The following IRAG1 variants were observed in gnomAD, a reference collection of about 807,000 sequenced individuals.
The protein encoded by IRAG1 is IP3R-associated cGMP kinase substrate.
In IRAG1, 62 loss-of-function variants were observed where a neutral mutation model predicts 106.2. The observed-to-expected ratio is 0.58, with a 90% CI of 0.48 to 0.72. The LOEUF (loss-of-function observed/expected upper bound fraction) is 0.72. Ranked by LOEUF, IRAG1 falls within the 30% of genes least tolerant of loss-of-function variation. The pLI, the probability that IRAG1 is intolerant of heterozygous loss-of-function variation, is 0.00. For synonymous variants in IRAG1, 462 were observed against 443.9 expected, an observed-to-expected ratio of 1.04 and a Z score of -0.51; for missense variants, 1,064 against 1,140.7, an observed-to-expected ratio of 0.93 and a Z score of 0.97.
chr11:10,662,635 C>T (rs1859486263), intron 1 of IRAG1, among the ~76,000 whole-genome samples: 2 of 152,244 alleles, frequency 1.3e-5, no homozygotes, highest in South Asian at 4.1e-4. Flanking sequence ...TTTCCTCAAA[C>T]AGTTGGTTAT....
At chr11:10,658,745 C>CTGTG (rs1859146259) in intron 1 of IRAG1, among the ~76,000 whole-genome samples, 2 of 144,010 alleles carry the variant, frequency 1.4e-5, no homozygotes, top group African/African-American at 2.6e-5. Context: ...AGTCCCAGGT[C>CTGTG]CGTGCTGTGG....
chr11:10,693,504 G>A (rs938353958), intron 1 of IRAG1, 32 bp downstream of exon 1: 1 of 1,535,274 alleles, frequency 6.5e-7, no homozygotes. Flanking sequence ...AGCCGAAGAG[G>A]CAGGTTATTC....
Position 10,686,410 on chromosome 11 carries a change from A to T in IRAG1, c.67+7126T>A, listed in dbSNP as rs183110598. 1.3e-3 allele frequency among the ~76,000 whole-genome samples: 195 copies of T among 152,304 alleles called. 1 individual carries two copies. Among genetic ancestry groups the T allele is most frequent in the African/African-American group, 4.6e-3 (190 of 41,576 alleles). ...ATTTCTTGCCAGTAAAAAGCTTGTG[A>T]TTCTAAATTTGTATTTTTCCTTCTA... On this transcript the variant is annotated intron_variant, in intron 1 of 20. Transcript: ENST00000423302.
At chr11:10,626,877 T>G (rs936395996) in intron 8 of IRAG1, among the ~76,000 whole-genome samples, 2 of 152,212 alleles carry the variant, frequency 1.3e-5, no homozygotes, top group Non-Finnish European at 2.9e-5. Flanking sequence ...TTGCCCCAGA[T>G]CTAGCCTTGG....
chr11:10,688,815 T>G, intron 1 of IRAG1, among the ~76,000 whole-genome samples: 1 of 152,202 alleles, frequency 6.6e-6, no homozygotes, highest in African/African-American at 2.4e-5. Flanking sequence ...TACTTAATAT[T>G]CTTTCATTTG....
intron 1 of IRAG1, among the ~76,000 whole-genome samples, chr11:10,686,786 A>T (rs1861688978): frequency 6.6e-6 from 1 of 152,218 alleles, no homozygotes; most frequent in South Asian, 2.1e-4. Flanking sequence ...GTTTGTTCAC[A>T]AATACCTCCC....
intron 1 of IRAG1, among the ~76,000 whole-genome samples, chr11:10,689,927 T>C (rs569510847): frequency 1.3e-5 from 2 of 152,354 alleles, no homozygotes; most frequent in East Asian, 3.9e-4. Context: ...TTATATCCAC[T>C]TCTATATTTT....
At chr11:10,607,004 C>T (rs1854534226) in intron 11 of IRAG1, among the ~76,000 whole-genome samples, 1 of 152,132 alleles carries the variant, frequency 6.6e-6, no homozygotes, top group Non-Finnish European at 1.5e-5. Flanking sequence ...CTCTCTAAGC[C>T]CCAGCGTGCT....
rs777559765 is a variant in IRAG1 at position 10,626,386 on chromosome 11, C to A, written c.948G>T (p.Met316Ile). 26 of 1,613,764 alleles carry A rather than the reference C, an allele frequency of 1.6e-5. No individual in the cohort carries two copies. The highest frequency in any genetic ancestry group is 2.2e-5 in the Non-Finnish European group (26 of 1,179,874). ...LAPVTNSSGK[M>I]ALNSPQPGPV... is the part of the protein sequence containing the mutation. ...GGCCAGGCTGAGGGCTGTTCAGGGC[C>A]ATTTTCCCACTGCTGTTTGTAACAG... The change falls in exon 9 of 21, where the codon ATG becomes ATT. Residue 316 changes from methionine (M) to isoleucine (I), a missense_variant. Met to Ile is a conservative substitution (Grantham distance 10). Transcript: ENST00000423302.
At chr11:10,616,525 A>T (rs1855444332) in intron 10 of IRAG1, among the ~76,000 whole-genome samples, 1 of 144,766 alleles carries the variant, frequency 6.9e-6, no homozygotes. Flanking sequence ...AAGCAAAAAC[A>T]AAAAACAAAA....
chr11:10,661,644 T>A (rs1163771729), intron 1 of IRAG1, among the ~76,000 whole-genome samples: 1 of 152,146 alleles, frequency 6.6e-6, no homozygotes, highest in Non-Finnish European at 1.5e-5. Flanking sequence ...GTCGCTGGCA[T>A]CTTTTCTCCC....
chr11:10,609,602 T>C (rs2134396160), intron 11 of IRAG1, 126 bp downstream of exon 11: 1 of 1,126,722 alleles, frequency 8.9e-7, no homozygotes, highest in Middle Eastern at 2.4e-4. Context: ...TATCCCTATC[T>C]AGACAATTGG....
rs771851963 is a variant in IRAG1, at chr11:10,576,476, C to G, written c.2595G>C (p.Leu865Phe). Residue 865 changes from leucine (L) to phenylalanine (F), a missense_variant, in exon 21 of 21, where the codon TTG (leucine) becomes TTC (phenylalanine). By Grantham distance (22) the Leu-to-Phe change is conservative. Transcript: ENST00000423302. ...AATTGTAGAGCCCCAGCACAACAGT[C>G]AAGACCAGCATCACTGCAGCCATCA... is the stretch of plus-strand genomic sequence containing the variant. ...IWMMAAVMLVLTVVLGLYNSY... is the reference protein window; with the variant it reads ...IWMMAAVMLVFTVVLGLYNSY... The G allele has an allele frequency of 1.1e-5, 17 of 1,613,880 alleles. No homozygotes were observed. Among genetic ancestry groups the G allele is most frequent in the Non-Finnish European group, 1.4e-5 (16 of 1,179,892 alleles).
At chr11:10,690,773 A>G (rs1021648966) in intron 1 of IRAG1, among the ~76,000 whole-genome samples, 7 of 152,114 alleles carry the variant, frequency 4.6e-5, no homozygotes, top group Non-Finnish European at 1.5e-5. Context: ...CATCTCTAAC[A>G]TGAGGCTTAA....
rs2113898 is a variant in IRAG1, at chr11:10,581,165, A to G, written c.2361-576T>C. On this transcript the variant is annotated intron_variant, in intron 19 of 20. Coordinates refer to ENST00000423302, the MANE Select transcript of IRAG1 (RefSeq NM_130385.4). ...CTCCCCCAGGGTCAATATTACCCCA[A>G]ACATACTCTGTTCACTTGTCCTATG... 2.1e-3 allele frequency among the ~76,000 whole-genome samples: 318 copies of G among 152,282 alleles called. 7 individuals carry two copies. Among genetic ancestry groups the G allele is most frequent in the Admixed American group, 0.02 (310 of 15,290 alleles).
chr11:10,576,584 G>GA lies in IRAG1; in HGVS notation c.2496-10dup, dbSNP rs574250372. On this transcript the variant is annotated splice_polypyrimidine_tract_variant and intron_variant, in intron 20 of 20. Transcript: ENST00000423302. ...CCAATTCTTCAAGTTTGCTGTCAAT[G>GA]AAAAAAAATATGCAGAGGCTTTAGT... 35 of 1,611,230 alleles carry GA rather than the reference G, an allele frequency of 2.2e-5. No individual in the cohort carries two copies. The highest frequency in any genetic ancestry group is 5.4e-5 in the African/African-American group (4 of 74,608).
At chr11:10,639,613 T>G (rs1857374754) in intron 2 of IRAG1, among the ~76,000 whole-genome samples, 1 of 152,158 alleles carries the variant, frequency 6.6e-6, no homozygotes, top group African/African-American at 2.4e-5. Flanking sequence ...TCTCTTTCCT[T>G]AACGATTCTC....
chr11:10,608,035 A>G (rs1854627030), intron 11 of IRAG1, among the ~76,000 whole-genome samples: 1 of 152,316 alleles, frequency 6.6e-6, no homozygotes, highest in Non-Finnish European at 1.5e-5. Context: ...ATATTTTCAT[A>G]AATTATAAAC....
intron 1 of IRAG1, among the ~76,000 whole-genome samples, chr11:10,656,720 C>T (rs1245974463): frequency 2.6e-5 from 4 of 152,152 alleles, no homozygotes; most frequent in Non-Finnish European, 5.9e-5. Context: ...AGAGGTTCCG[C>T]AACCTGCTCA....
Sources: gnomAD v4.1 joint callset for allele counts (sites outside exome capture counted in the v4.1 genomes callset) on GRCh38, gnomAD v4.1.1 for gene constraint, MANE v1.5 for transcripts, NCBI Gene and HGNC (gene_info 2026-07-23, HGNC 2026-07-21) for gene names.